The following ANK3 variants were observed in gnomAD, a reference collection of about 807,000 sequenced individuals.
The protein encoded by ANK3 is ankyrin 3, also known as ankyrin-3.
In ANK3, 57 loss-of-function variants were observed where a neutral mutation model predicts 370.9. The ratio of observed to expected loss-of-function variants is 0.15; its 90% CI spans 0.12 to 0.19. ANK3 has a LOEUF of 0.19. ANK3 is among the 10% of genes least tolerant of loss of function. The pLI is 1.00. For missense variants in ANK3, 4,439 were observed against 5,302.1 expected, an observed-to-expected ratio of 0.84 and a Z score of 5.06; for synonymous variants, 1,929 against 1,946.3, an observed-to-expected ratio of 0.99 and a Z score of 0.23.
intron 41 of ANK3, 118 bp from the exon 42 acceptor site, chr10:60,056,154 A>C: frequency 8.3e-7 from 1 of 1,203,406 alleles, no homozygotes; most frequent in Non-Finnish European, 1.1e-6. Flanking sequence ...AAAATAGAAA[A>C]GTGTGAAAAG....
At chr10:60,443,168 C>T (rs1344541816) in intron 2 of ANK3, among the ~76,000 whole-genome samples, 1 of 152,070 alleles carries the variant, frequency 6.6e-6, no homozygotes, top group Non-Finnish European at 1.5e-5. Flanking sequence ...TGTATATCTG[C>T]TTTGAAATAG....
At chr10:60,401,708 A>C (rs2063355000) in intron 2 of ANK3, among the ~76,000 whole-genome samples, 1 of 152,230 alleles carries the variant, frequency 6.6e-6, no homozygotes, top group Admixed American at 6.5e-5. Flanking sequence ...AGGTTGTATA[A>C]TATTCCATGT....
At chr10:60,170,644 GAA>G in intron 21 of ANK3, among the ~76,000 whole-genome samples, 1 of 152,132 alleles carries the variant, frequency 6.6e-6, no homozygotes, top group Non-Finnish European at 1.5e-5. Flanking sequence ...CTCTTTTGCA[GAA>G]AGTCATCAAC....
intron 7 of ANK3, among the ~76,000 whole-genome samples, chr10:60,255,740 C>G (rs2097724883): frequency 6.6e-6 from 1 of 152,078 alleles, no homozygotes; most frequent in African/African-American, 2.4e-5. Context: ...TATATCTGTG[C>G]CATTTAATAA....
At chr10:60,554,147 C>T (rs374260424) in intron 2 of ANK3, among the ~76,000 whole-genome samples, 1 of 152,252 alleles carries the variant, frequency 6.6e-6, no homozygotes, top group Non-Finnish European at 1.5e-5. Context: ...TTTTCGGATA[C>T]ACCATAGCAC....
At chr10:60,265,577 T>A (rs2097863675) in intron 5 of ANK3, among the ~76,000 whole-genome samples, 1 of 152,216 alleles carries the variant, frequency 6.6e-6, no homozygotes, top group South Asian at 2.1e-4. Flanking sequence ...AGGGCATTTT[T>A]TTTTTAACTA....
chr10:60,554,256 T>C (rs528445850), intron 2 of ANK3, among the ~76,000 whole-genome samples: 1 of 152,236 alleles, frequency 6.6e-6, no homozygotes, highest in South Asian at 2.1e-4. Flanking sequence ...TAGAGCCCTT[T>C]TTCTAAGTAA....
At chr10:60,143,723 A>C (rs2094677729) in intron 23 of ANK3, among the ~76,000 whole-genome samples, 1 of 152,188 alleles carries the variant, frequency 6.6e-6, no homozygotes, top group Non-Finnish European at 1.5e-5. Flanking sequence ...TAGTACCCCT[A>C]AATTGAATCT....
intron 2 of ANK3, among the ~76,000 whole-genome samples, chr10:60,487,719 C>CCTTTTTT (rs2075385055): frequency 1.0e-5 from 1 of 96,534 alleles, no homozygotes; most frequent in African/African-American, 3.8e-5. Flanking sequence ...GATGATGTTG[C>CCTTTTTT]ATTTTTTTTT....
At position 60,069,818 on chromosome 10, in the gene ANK3, G is replaced by A; in HGVS notation, c.11063C>T (p.Thr3688Ile). Residue 3688 changes from threonine to isoleucine, a missense_variant, in exon 37 of 44, where the codon ACC becomes ATC. Thr to Ile is a moderately conservative substitution (Grantham distance 89). Transcript: ENST00000280772. ...PTVEPNPSIP[T>I]SGECQEGTSS... ...TGTGCCTTCCTGACACTCTCCGCTG[G>A]TCGGGATGCTGGGGTTAGGTTCCAC... 1 of 1,614,098 alleles carries A rather than the reference G, an allele frequency of 6.2e-7. No individual in the cohort carries two copies.
intron 2 of ANK3, among the ~76,000 whole-genome samples, chr10:60,595,029 T>C (rs1209930119): frequency 6.6e-6 from 1 of 152,122 alleles, no homozygotes; most frequent in Non-Finnish European, 1.5e-5. Context: ...AGTGAAACAT[T>C]CTAGAAAAAT....
chr10:60,074,772 G>A lies in ANK3; in HGVS notation c.6109C>T (p.Leu2037=). 1 of 1,614,052 alleles carries A rather than the reference G, an allele frequency of 6.2e-7. No individual in the cohort carries two copies. Among genetic ancestry groups the A allele is most frequent in the Non-Finnish European group, 8.5e-7 (1 of 1,179,980 alleles). Residue 2037 remains leucine, a synonymous_variant, in exon 37 of 44, where the codon CTA becomes TTA. Transcript: ENST00000280772. ...DYNLTKVIDY[L]TNDIGSSSLT... The stretch of plus-strand genomic sequence containing the variant: ...GAACTACTCCCAATATCATTTGTTA[G>A]GTAATCAATAACTTTGGTCAAGTTA...
At chr10:60,547,727 G>A (rs1355383654) in intron 2 of ANK3, among the ~76,000 whole-genome samples, 2 of 152,068 alleles carry the variant, frequency 1.3e-5, no homozygotes, top group South Asian at 2.1e-4. Context: ...GGCGGGAGGT[G>A]GGGAATAGGG....
At chr10:60,438,386 T>C (rs1290796765) in intron 2 of ANK3, among the ~76,000 whole-genome samples, 1 of 152,086 alleles carries the variant, frequency 6.6e-6, no homozygotes, top group Non-Finnish European at 1.5e-5. Context: ...ATTGAAAGGA[T>C]GGGATATGAA....
chr10:60,183,326 T>TA (rs1397548193), intron 17 of ANK3, among the ~76,000 whole-genome samples: 1 of 152,228 alleles, frequency 6.6e-6, no homozygotes, highest in Admixed American at 6.5e-5. Context: ...GATTTTTATA[T>TA]AACCAGTGTC....
intron 8 of ANK3, among the ~76,000 whole-genome samples, chr10:60,224,905 TTTTC>T (rs1237670789): frequency 2.0e-5 from 3 of 150,628 alleles, no homozygotes; most frequent in Non-Finnish European, 4.4e-5. Flanking sequence ...CTTTTTTTCT[TTTTC>T]TTTCTTTTTT....
intron 2 of ANK3, among the ~76,000 whole-genome samples, chr10:60,567,413 C>A (rs1221292441): frequency 6.6e-6 from 1 of 152,126 alleles, no homozygotes; most frequent in Non-Finnish European, 1.5e-5. Context: ...CTGTCTACAG[C>A]ATGGTTTGCT....
chr10:60,667,205 AT>A (rs545296365), intron 1 of ANK3, among the ~76,000 whole-genome samples: 7,870 of 129,158 alleles, frequency 0.061, 295 homozygotes, highest in African/African-American at 0.11. Flanking sequence ...ATATTATATT[AT>A]ATTATATTAT....
chr10:60,571,224 T>C (rs1364794635), intron 2 of ANK3, among the ~76,000 whole-genome samples: 2 of 152,158 alleles, frequency 1.3e-5, no homozygotes. Flanking sequence ...TTAAAACCAG[T>C]CTGCACAGAT....
Sources: gnomAD v4.1 joint callset for allele counts (sites outside exome capture counted in the v4.1 genomes callset) on GRCh38, gnomAD v4.1.1 for gene constraint, MANE v1.5 for transcripts, NCBI Gene and HGNC (gene_info 2026-07-23, HGNC 2026-07-21) for gene names.